COPS7B: variants seen among roughly 807,000 people sequenced by gnomAD.
The protein encoded by COPS7B is COP9 signalosome subunit 7B.
COPS7B carries 9 observed loss-of-function variants against 33.4 expected under a neutral mutation model. The ratio of observed to expected loss-of-function variants is 0.27; its 90% CI spans 0.16 to 0.47. The LOEUF is 0.47. Among genes scored for constraint, COPS7B ranks in the 20% least tolerant of loss-of-function variants. The pLI, the probability that COPS7B is intolerant of heterozygous loss-of-function variation, is 0.99. For synonymous variants in COPS7B, 119 were observed against 126.3 expected, an observed-to-expected ratio of 0.94 and a Z score of 0.39; for missense variants, 242 against 318.2, an observed-to-expected ratio of 0.76 and a Z score of 1.82.
At chr2:231,793,221 T>G (rs972550441) in intron 3 of COPS7B, among the ~76,000 whole-genome samples, 10 of 152,192 alleles carry the variant, frequency 6.6e-5, no homozygotes, top group African/African-American at 2.4e-4. Flanking sequence ...TTAGAATTTT[T>G]GGGACTTTAA....
At position 231,807,754 on chromosome 2, in the gene COPS7B, C is replaced by A; in HGVS notation, c.*109C>A. 9.6e-7 allele frequency: 1 copy of A among 1,041,998 alleles called. No individual in the cohort carries two copies. The highest frequency in any genetic ancestry group is 1.4e-6 in the Non-Finnish European group (1 of 736,966). 64.5% of individuals were successfully genotyped at this position (1,041,998 alleles called of 1,614,324 possible). On this transcript the variant is annotated 3_prime_UTR_variant, in exon 7 of 7. Transcript: ENST00000350033. Reference sequence around the variant, plus strand: ...TGCAGTGAGTTCCAGACCTGCCCGTCCCCTCACCAGCGCCTCCCCACCCTG... The same window carrying A: ...TGCAGTGAGTTCCAGACCTGCCCGTACCCTCACCAGCGCCTCCCCACCCTG...
At position 231,798,877 on chromosome 2, in the gene COPS7B, A is replaced by T. The variant is rs936950639; in HGVS notation, c.549A>T (p.Ala183=). 6.2e-7 allele frequency: 1 copy of T among 1,614,204 alleles called. No homozygotes were observed. Among genetic ancestry groups the T allele is most frequent in the African/African-American group, 1.3e-5 (1 of 75,054 alleles). Residue 183 remains alanine (A), a synonymous_variant, in exon 6 of 7, where the codon GCA becomes GCT. Transcript: ENST00000350033. ...TLHEWCDGCE[A]VLLGIEQQVL... ...ATTGTAGGTGTGATGGCTGTGAAGC[A>T]GTTCTACTGGGCATCGAGCAGCAAG...
intron 2 of COPS7B, 179 bp from the exon 3 acceptor site, chr2:231,791,554 A>G: frequency 3.4e-6 from 2 of 581,468 alleles, no homozygotes; most frequent in Non-Finnish European, 6.1e-6. Context: ...GGCTTTAATA[A>G]TCTTGTTTAT....
chr2:231,801,119 C>G, intron 6 of COPS7B: 1 of 1,550,040 alleles, frequency 6.5e-7, no homozygotes. Flanking sequence ...GTGATCTTTT[C>G]TTTATTTGTC....
At chr2:231,791,942 C>T (rs1355317945) in intron 3 of COPS7B, 134 bp downstream of exon 3, 5 of 779,584 alleles carry the variant, frequency 6.4e-6, no homozygotes, top group Admixed American at 5.9e-5. Flanking sequence ...TTTTGCTGTG[C>T]CCGGTGGGTG....
upstream of COPS7B, among the ~76,000 whole-genome samples, chr2:231,784,899 A>C (rs1473537000): frequency 7.9e-5 from 12 of 152,038 alleles, no homozygotes. Flanking sequence ...TGCAACCTCC[A>C]CCTCCTGGGT....
chr2:231,785,242 C>T (rs895242499), upstream of COPS7B, among the ~76,000 whole-genome samples: 7 of 152,342 alleles, frequency 4.6e-5, no homozygotes, highest in African/African-American at 1.7e-4. Flanking sequence ...TCATACCTCT[C>T]CTTAGCTTAA....
Position 231,788,538 on chromosome 2 carries a change from A to G in COPS7B, c.-16-17A>G, listed in dbSNP as rs1252648922. ...AAGGAGAAGGAAGAATGACTGACAC[A>G]ATTTTCTTTTGGACAGATTTCAAGG... On this transcript the variant is annotated splice_polypyrimidine_tract_variant and intron_variant, in intron 1 of 6. Coordinates refer to ENST00000350033, the MANE Select transcript of COPS7B (RefSeq NM_022730.4). The G allele has an allele frequency of 1.2e-6, 2 of 1,610,206 alleles. No homozygotes were observed. The highest frequency in any genetic ancestry group is 2.7e-5 in the African/African-American group (2 of 74,730).
chr2:231,783,753 C>A (rs564161545), upstream of COPS7B, among the ~76,000 whole-genome samples: 34 of 152,172 alleles, frequency 2.2e-4, no homozygotes, highest in African/African-American at 7.9e-4. Flanking sequence ...GGGATGGGGT[C>A]TCTGCTGTGT....
At chr2:231,784,713 C>G (rs1311677733), upstream of COPS7B, among the ~76,000 whole-genome samples, 2 of 152,138 alleles carry the variant, frequency 1.3e-5, no homozygotes, top group Non-Finnish European at 2.9e-5. Flanking sequence ...TGCTCCCTCC[C>G]TCTCCTTATA....
intron 1 of COPS7B, among the ~76,000 whole-genome samples, chr2:231,788,136 G>GTTT (rs576680336): frequency 0.012 from 1,364 of 114,064 alleles, 45 homozygotes; most frequent in Non-Finnish European, 0.018. Context: ...CTCAGGAACT[G>GTTT]TTTTTTTTTT....
intron 6 of COPS7B, among the ~76,000 whole-genome samples, chr2:231,800,477 CT>C (rs1364846997): frequency 6.6e-6 from 1 of 152,172 alleles, no homozygotes; most frequent in Non-Finnish European, 1.5e-5. Context: ...ACCACACTAC[CT>C]AATCTTTGGT....
At chr2:231,788,067 G>C (rs964841966) in intron 1 of COPS7B, among the ~76,000 whole-genome samples, 2 of 151,524 alleles carry the variant, frequency 1.3e-5, no homozygotes, top group African/African-American at 4.9e-5. Context: ...TTTAGGACAA[G>C]ATCCTTTTAA....
In COPS7B at chr2:231,798,781, T is replaced by C. The variant is rs1470777132; in HGVS notation, c.531-78T>C. The C allele has an allele frequency of 5.1e-6, 6 of 1,174,090 alleles. No individual in the cohort carries two copies. The African/African-American group carries it at 7.6e-5, about 15-fold the overall frequency. The allele number at this position is 1,174,090 out of a possible 1,614,324, so 72.7% of individuals were successfully genotyped here. A position where few individuals can be genotyped will look rare whatever the true frequency, so the allele number is the denominator to read the frequency against. Reference sequence around the variant, plus strand: ...CCCTGTAAGATACTGGGGAGAGCTGTTGGGGAAGAATATTTCTGAGCCTGG... The same window carrying C: ...CCCTGTAAGATACTGGGGAGAGCTGCTGGGGAAGAATATTTCTGAGCCTGG... On this transcript the variant is annotated intron_variant, in intron 5 of 6. Transcript: ENST00000350033.
chr2:231,798,939 G>T lies in COPS7B; in HGVS notation c.611G>T (p.Arg204Leu). Residue 204 changes from arginine (R) to leucine (L), a missense_variant, in exon 6 of 7, where the codon CGA (arginine) becomes CTA (leucine). Coordinates refer to ENST00000350033, the MANE Select transcript of COPS7B (RefSeq NM_022730.4). ...RANQYKENHN[R>L]TQQQVEAEVT... ...AACCAGTACAAAGAGAACCACAACC[G>T]AACTCAGCAGCAGGTAGAAGCAGAG... The T allele has an allele frequency of 6.2e-7, 1 of 1,614,100 alleles. No homozygotes were observed. Among genetic ancestry groups the T allele is most frequent in the Non-Finnish European group, 8.5e-7 (1 of 1,179,948 alleles).
intron 6 of COPS7B, among the ~76,000 whole-genome samples, chr2:231,806,639 T>TTTC (rs1297541375): frequency 2.6e-5 from 4 of 152,170 alleles, no homozygotes; most frequent in Non-Finnish European, 4.4e-5. Context: ...CTTCCTGCTG[T>TTTC]TTCTTCCTCT....
intron 2 of COPS7B, chr2:231,790,186 A>G (rs2049371628): frequency 6.6e-6 from 1 of 152,226 alleles, no homozygotes; most frequent in Non-Finnish European, 1.5e-5. Context: ...CTTCAGGTTC[A>G]TGAACAGCCT....
intron 2 of COPS7B, chr2:231,790,890 C>T (rs1574657207): frequency 6.6e-6 from 1 of 152,512 alleles, no homozygotes; most frequent in East Asian, 1.9e-4. Context: ...AGGCGCCCGC[C>T]ACCGCGCCCG....
Position 231,796,095 on chromosome 2 carries a change from C to T in COPS7B, c.328-11C>T, listed in dbSNP as rs1210658343. 1.9e-6 allele frequency: 3 copies of T among 1,611,636 alleles called. No homozygotes were observed. In the African/African-American group the frequency reaches 4.0e-5, roughly 22 times the overall value. Reference sequence around the variant, plus strand: ...ATGGTTTTTATAATGATCACATGGCCTTATCTACAGTGTATCCCCTACTCC... The same window carrying T: ...ATGGTTTTTATAATGATCACATGGCTTTATCTACAGTGTATCCCCTACTCC... On this transcript the variant is annotated splice_polypyrimidine_tract_variant and intron_variant, in intron 4 of 6. Transcript: ENST00000350033.
Sources: gnomAD v4.1 joint callset for allele counts (sites outside exome capture counted in the v4.1 genomes callset) on GRCh38, gnomAD v4.1.1 for gene constraint, MANE v1.5 for transcripts, NCBI Gene and HGNC (gene_info 2026-07-23, HGNC 2026-07-21) for gene names.